FGD6: variants seen among roughly 807,000 people sequenced by gnomAD.
The protein encoded by FGD6 is FYVE, RhoGEF and PH domain-containing protein 6.
In FGD6, 90 loss-of-function variants were observed where a neutral mutation model predicts 149.4. The ratio of observed to expected loss-of-function variants is 0.60; its 90% CI spans 0.51 to 0.72. The LOEUF is 0.72. FGD6 is among the 30% of genes least tolerant of loss of function. The probability of loss-of-function intolerance (pLI) is 0.00; values close to 1 mark genes in which losing one functional copy is unlikely to be tolerated. For missense variants in FGD6, 1,437 were observed against 1,684.8 expected, an observed-to-expected ratio of 0.85 and a Z score of 2.57; for synonymous variants, 527 against 584.0, an observed-to-expected ratio of 0.90 and a Z score of 1.41.
intron 2 of FGD6, 118 bp from the exon 3 acceptor site, chr12:95,172,862 G>C: frequency 1.2e-6 from 1 of 831,410 alleles, no homozygotes; most frequent in African/African-American, 1.7e-5. Context: ...AAGGGATGTG[G>C]AAGAATGAAA....
intron 2 of FGD6, among the ~76,000 whole-genome samples, chr12:95,174,927 C>CAAAAAAA (rs10687970): frequency 4.7e-5 from 4 of 84,652 alleles, no homozygotes; most frequent in African/African-American, 1.6e-4. Flanking sequence ...ACTCCATCTC[C>CAAAAAAA]AAAAAAAAAA....
At chr12:95,194,338 C>G (rs190494127) in intron 2 of FGD6, among the ~76,000 whole-genome samples, 1 of 152,118 alleles carries the variant, frequency 6.6e-6, no homozygotes, top group Middle Eastern at 3.2e-3. Flanking sequence ...CAGGTTCAAG[C>G]GATTCTCCTG....
At chr12:95,082,654 C>CAAAAAA (rs71075900) in intron 20 of FGD6, among the ~76,000 whole-genome samples, 6 of 67,772 alleles carry the variant, frequency 8.9e-5, no homozygotes, top group African/African-American at 3.2e-4. Context: ...GAGACTGTCT[C>CAAAAAA]AAAAAAAAAA....
intron 2 of FGD6, among the ~76,000 whole-genome samples, chr12:95,182,595 A>G (rs570523023): frequency 6.6e-6 from 1 of 152,320 alleles, no homozygotes; most frequent in East Asian, 1.9e-4. Context: ...AGGGCCTACT[A>G]TGTTTCATTT....
At chr12:95,113,099 G>A (rs1878886673) in intron 9 of FGD6, among the ~76,000 whole-genome samples, 1 of 152,118 alleles carries the variant, frequency 6.6e-6, no homozygotes, top group South Asian at 2.1e-4. Context: ...GTCGCAAGAG[G>A]CTGGTTCCCA....
At chr12:95,106,533 C>G (rs1878631181) in intron 13 of FGD6, among the ~76,000 whole-genome samples, 1 of 152,012 alleles carries the variant, frequency 6.6e-6, no homozygotes, top group Non-Finnish European at 1.5e-5. Context: ...ATCCACCGGC[C>G]TCAGCCTCCC....
At chr12:95,194,155 G>A (rs755836039) in intron 2 of FGD6, among the ~76,000 whole-genome samples, 1 of 151,530 alleles carries the variant, frequency 6.6e-6, no homozygotes, top group Admixed American at 6.6e-5. Flanking sequence ...GAACTCCTGG[G>A]CTCAAATGAT....
At position 95,141,526 on chromosome 12, in the gene FGD6, G is replaced by C. The variant is rs763363908; in HGVS notation, c.2699C>G (p.Ala900Gly). Residue 900 changes from alanine to glycine, a missense_variant, in exon 6 of 21, where the codon GCA (alanine) becomes GGA (glycine). By Grantham distance (60) the Ala-to-Gly change is moderately conservative. Coordinates refer to ENST00000343958, the MANE Select transcript of FGD6 (RefSeq NM_018351.4). ...LKLLHIDFRD[A>G]VAHASRQLGK... ...AAGTTGCCTGGAAGCATGAGCTACTGCATCCCGGAAATCCTATTACAGTCC... is the reference window on the plus strand; with the variant it reads ...AAGTTGCCTGGAAGCATGAGCTACTCCATCCCGGAAATCCTATTACAGTCC... 6.2e-7 allele frequency: 1 copy of C among 1,613,934 alleles called. No individual in the cohort carries two copies. The highest frequency in any genetic ancestry group is 1.3e-5 in the African/African-American group (1 of 74,874).
At chr12:95,108,325 G>A (rs376725257) in intron 11 of FGD6, 23 bp downstream of exon 11, 127 of 1,608,526 alleles carry the variant, frequency 7.9e-5, no homozygotes, top group East Asian at 7.8e-4. Flanking sequence ...TTAAGTTTGC[G>A]AAAAGCAATG....
intron 3 of FGD6, among the ~76,000 whole-genome samples, chr12:95,156,626 T>C (rs973286083): frequency 6.6e-5 from 10 of 152,176 alleles, no homozygotes; most frequent in Non-Finnish European, 1.3e-4. Context: ...TCTATTACCT[T>C]GTGAAGCATG....
intron 18 of FGD6, among the ~76,000 whole-genome samples, chr12:95,086,843 CCTTTTT>C (rs1877889469): frequency 8.3e-6 from 1 of 121,108 alleles, no homozygotes; most frequent in Non-Finnish European, 1.7e-5. Flanking sequence ...ACCACACCGG[CCTTTTT>C]TTTTTTTTTT....
At chr12:95,142,190 A>G (rs985539287) in intron 5 of FGD6, among the ~76,000 whole-genome samples, 11 of 147,812 alleles carry the variant, frequency 7.4e-5, no homozygotes, top group African/African-American at 2.5e-4. Flanking sequence ...CACCCACGCT[A>G]GAGTACAGTG....
chr12:95,081,427 G>T lies in FGD6; in HGVS notation c.*93C>A. ...GGGTCTGGTTGGCTTTATCTTGGCA[G>T]TGTTCATTTTTATACAATTTTTGAA... On this transcript the variant is annotated 3_prime_UTR_variant, in exon 21 of 21. Coordinates refer to ENST00000343958, the MANE Select transcript of FGD6 (RefSeq NM_018351.4). 9.1e-7 allele frequency: 1 copy of T among 1,103,146 alleles called. No homozygotes were observed. 68.3% of individuals were successfully genotyped at this position (1,103,146 alleles called of 1,614,324 possible).
chr12:95,112,254 T>A (rs1038608809), intron 9 of FGD6, among the ~76,000 whole-genome samples: 3 of 130,732 alleles, frequency 2.3e-5, no homozygotes, highest in Non-Finnish European at 5.0e-5. Flanking sequence ...AAAAAAAAAA[T>A]GTGATCAAAA....
rs551413316 is a variant in FGD6, at chr12:95,137,088, G to A, written c.2994+434C>T. Among the ~76,000 whole-genome samples the A allele has an allele frequency of 5.3e-5, 8 of 152,270 alleles. No individual in the cohort carries two copies. The East Asian group carries it at 1.5e-3, about 29-fold the overall frequency. The stretch of plus-strand genomic sequence containing the variant: ...AGGTCAGGAATTCGAGACCAGCCTG[G>A]CCAATGTGGTGAAACCCCATCTCCA... On this transcript the variant is annotated intron_variant, in intron 7 of 20. Transcript: ENST00000343958.
intron 1 of FGD6, 39 bp downstream of exon 1, chr12:95,217,186 C>T (rs1327122198): frequency 6.2e-7 from 1 of 1,611,784 alleles, no homozygotes; most frequent in Non-Finnish European, 8.5e-7. Context: ...CAGCGCTCGC[C>T]ACAAACTTTC....
At chr12:95,166,695 C>T (rs972441589) in intron 3 of FGD6, among the ~76,000 whole-genome samples, 3 of 151,674 alleles carry the variant, frequency 2.0e-5, no homozygotes, top group Admixed American at 2.0e-4. Flanking sequence ...AGAGCGAGAC[C>T]CCATCTCAAA....
At chr12:95,101,306 C>T (rs1225710891) in intron 14 of FGD6, among the ~76,000 whole-genome samples, 1 of 152,072 alleles carries the variant, frequency 6.6e-6, no homozygotes, top group Non-Finnish European at 1.5e-5. Flanking sequence ...AAGATCGCGT[C>T]ACTGCACTCC....
chr12:95,097,881 G>C (rs562981945), intron 14 of FGD6, among the ~76,000 whole-genome samples: 1 of 152,142 alleles, frequency 6.6e-6, no homozygotes, highest in African/African-American at 2.4e-5. Flanking sequence ...TATGACAAAT[G>C]TAGATAAATA....
Sources: allele counts gnomAD v4.1 joint callset (sites outside exome capture counted in the v4.1 genomes callset), GRCh38; gene constraint gnomAD v4.1.1; transcripts MANE v1.5; gene names NCBI Gene and HGNC (gene_info 2026-07-23, HGNC 2026-07-21).